NCDN: variants seen among roughly 807,000 people sequenced by gnomAD.
The protein encoded by NCDN is norbin.
A neutral mutation model predicts 60.7 loss-of-function variants in NCDN; 9 were observed. That is an observed-to-expected ratio of 0.15 (90% CI 0.09 to 0.26). NCDN has a LOEUF of 0.26. Ranked by LOEUF, NCDN falls within the 10% of genes least tolerant of loss-of-function variation. NCDN has a pLI of 1.00. For missense variants in NCDN, 578 were observed against 975.2 expected (o/e 0.59, Z 5.42); for synonymous variants, 409 against 442.5 (o/e 0.92, Z 0.95).
At position 35,558,406 on chromosome 1, in the gene NCDN, C is replaced by T; in HGVS notation, c.33+183C>T. The T allele has an allele frequency of 6.8e-7, 1 of 1,473,118 alleles. No individual in the cohort carries two copies. The highest frequency in any genetic ancestry group is 9.0e-7 in the Non-Finnish European group (1 of 1,117,232). The allele number at this position is 1,473,118 out of a possible 1,614,324, so 91.3% of individuals were successfully genotyped here. On this transcript the variant is annotated intron_variant, in intron 1 of 6. Transcript: ENST00000373243. This position sits in a 1 kb window ranked among gnomAD's most constrained non-coding sequence, Gnocchi z 6.3. ...ACGGGGAGGGCGAGAAGAGGGAGCG[C>T]AAGGGGTTAATTCTGCTGCTGCCGC...
Position 35,562,248 on chromosome 1 carries a change from A to G in NCDN, c.1144-144A>G. 1 of 1,212,776 alleles carries G rather than the reference A, an allele frequency of 8.2e-7. No homozygotes were observed. The highest frequency in any genetic ancestry group is 1.5e-5 in the African/African-American group (1 of 65,882). 75.1% of individuals were successfully genotyped at this position (1,212,776 alleles called of 1,614,324 possible). ...ACATGCTAGGTGCTGGGTTCATGGG[A>G]CAGAATAAAGGTTGGGGCCTGCCTT... On this transcript the variant is annotated intron_variant, in intron 3 of 6. Transcript: ENST00000373243. This position sits in a 1 kb window ranked among gnomAD's most constrained non-coding sequence, Gnocchi z 6.8.
Position 35,561,152 on chromosome 1 carries a change from T to C in NCDN, c.1001T>C (p.Val334Ala). 2.5e-6 allele frequency: 4 copies of C among 1,609,512 alleles called. No individual in the cohort carries two copies. Among genetic ancestry groups the C allele is most frequent in the Non-Finnish European group, 3.4e-6 (4 of 1,177,998 alleles). ...ETGTEVKEDV[V>A]TACYALMELG... The stretch of plus-strand genomic sequence containing the variant: ...GGCACGGAGGTGAAAGAGGATGTGG[T>C]GACCGCCTGCTATGCCCTCATGGAG... Residue 334 changes from valine (V) to alanine (A), a missense_variant, in exon 3 of 7, where the codon GTG becomes GCG. Physicochemically the swap from Val to Ala is moderately conservative, Grantham distance 64 (BLOSUM62 0). Transcript: ENST00000373243. This position sits in a 1 kb window ranked among gnomAD's most constrained non-coding sequence, Gnocchi z 4.9.
At position 35,563,271 on chromosome 1, in the gene NCDN, G is replaced by A. The variant is rs771863772; in HGVS notation, c.1455G>A (p.Gly485=). Reference sequence around the variant, plus strand: ...CCCGGGAGATCCTGATCAAGGAAGGGGCCCCCTCGCTTCTGTGCAAGTATT... The same window carrying A: ...CCCGGGAGATCCTGATCAAGGAAGGAGCCCCCTCGCTTCTGTGCAAGTATT... ...DGPREILIKE[G]APSLLCKYFL... Residue 485 remains glycine, a synonymous_variant, in exon 5 of 7, where the codon GGG becomes GGA. Transcript: ENST00000373243. This position sits in a 1 kb window ranked among gnomAD's most constrained non-coding sequence, Gnocchi z 6.6. 1.9e-6 allele frequency: 3 copies of A among 1,614,194 alleles called. No individual in the cohort carries two copies. Among genetic ancestry groups the A allele is most frequent in the South Asian group, 1.1e-5 (1 of 91,086 alleles).
At position 35,561,521 on chromosome 1, in the gene NCDN, ACACACACACG is replaced by A. The variant is rs1648705385; in HGVS notation, c.1143+237_1143+246del. Among the ~76,000 whole-genome samples, 1 of 151,982 alleles carries A rather than the reference ACACACACACG, an allele frequency of 6.6e-6. No homozygotes were observed. The highest frequency in any genetic ancestry group is 6.5e-5 in the Admixed American group (1 of 15,274). On this transcript the variant is annotated intron_variant, in intron 3 of 6. Transcript: ENST00000373243. This position sits in a 1 kb window ranked among gnomAD's most constrained non-coding sequence, Gnocchi z 4.9. ...ACCATATGTGCACTCACATCACAGT[ACACACACACG>A]CACACACACACAACACAGTAACCTC...
In NCDN at chr1:35,563,292, G is replaced by C. The variant is rs773247590; in HGVS notation, c.1476G>C (p.Lys492Asn). Residue 492 changes from lysine to asparagine, a missense_variant, in exon 5 of 7, where the codon AAG becomes AAC. Transcript: ENST00000373243. This position sits in a 1 kb window ranked among gnomAD's most constrained non-coding sequence, Gnocchi z 6.6. ...IKEGAPSLLC[K>N]YFLQQWELTS... ...AAGGGGCCCCCTCGCTTCTGTGCAAGTATTTCCTGCAGCAGTGGGAACTCA... is the reference window on the plus strand; with the variant it reads ...AAGGGGCCCCCTCGCTTCTGTGCAACTATTTCCTGCAGCAGTGGGAACTCA... 21 of 1,614,226 alleles carry C rather than the reference G, an allele frequency of 1.3e-5. No homozygotes were observed. The highest frequency in any genetic ancestry group is 1.7e-5 in the Non-Finnish European group (20 of 1,180,046).
Position 35,558,418 on chromosome 1 carries a change from T to C in NCDN, c.33+195T>C. 1 of 1,451,008 alleles carries C rather than the reference T, an allele frequency of 6.9e-7. No homozygotes were observed. Among genetic ancestry groups the C allele is most frequent in the Non-Finnish European group, 9.0e-7 (1 of 1,107,168 alleles). The allele number at this position is 1,451,008 out of a possible 1,614,324, so 89.9% of individuals were successfully genotyped here. ...AGAAGAGGGAGCGCAAGGGGTTAAT[T>C]CTGCTGCTGCCGCCGCCGCTGCTGC... On this transcript the variant is annotated intron_variant, in intron 1 of 6. Coordinates refer to ENST00000373243, the MANE Select transcript of NCDN (RefSeq NM_014284.3). This position sits in a 1 kb window ranked among gnomAD's most constrained non-coding sequence, Gnocchi z 6.3.
rs755327814 is a variant in NCDN at position 35,558,260 on chromosome 1, T to TC, written c.33+41dup. 3.7e-6 allele frequency: 6 copies of TC among 1,613,322 alleles called. No homozygotes were observed. The African/African-American group carries it at 8.0e-5, about 22-fold the overall frequency. ...CAGGAACCCTCCTCCCCTTCTCATC[T>TC]CCCCATCTCAGCAGCCCTGCTTCGA... On this transcript the variant is annotated intron_variant, in intron 1 of 6. Transcript: ENST00000373243. This position sits in a 1 kb window ranked among gnomAD's most constrained non-coding sequence, Gnocchi z 6.3.
intron 2 of NCDN, among the ~76,000 whole-genome samples, chr1:35,559,844 G>A (rs1648638659): frequency 6.6e-6 from 1 of 152,126 alleles, no homozygotes. Flanking sequence ...CACTGCAGCA[G>A]AGGAGGTGTT....
chr1:35,560,368 C>G lies in NCDN; in HGVS notation c.217C>G (p.Arg73Gly). Reference protein sequence around the residue: ...VKAGDIDAKTRRRIFDAVGFT... With the variant: ...VKAGDIDAKTGRRIFDAVGFT... Reference sequence around the variant, plus strand: ...AGCAGGTGACATAGATGCCAAAACTCGGCGGCGGATCTTCGATGCTGTCGG... The same window carrying G: ...AGCAGGTGACATAGATGCCAAAACTGGGCGGCGGATCTTCGATGCTGTCGG... The change falls in exon 3 of 7, where the codon CGG (arginine) becomes GGG (glycine). Residue 73 changes from arginine (R) to glycine (G), a missense_variant. Coordinates refer to ENST00000373243, the MANE Select transcript of NCDN (RefSeq NM_014284.3). This position sits in a 1 kb window ranked among gnomAD's most constrained non-coding sequence, Gnocchi z 7.6. 1 of 1,613,984 alleles carries G rather than the reference C, an allele frequency of 6.2e-7. No individual in the cohort carries two copies. The highest frequency in any genetic ancestry group is 8.5e-7 in the Non-Finnish European group (1 of 1,180,040).
chr1:35,559,865 G>A (rs1452159343), intron 2 of NCDN, among the ~76,000 whole-genome samples: 1 of 152,140 alleles, frequency 6.6e-6, no homozygotes. Context: ...TAGGTGAAAT[G>A]TAAGGGGAAA....
chr1:35,559,738 A>AG (rs1055371043), intron 2 of NCDN, among the ~76,000 whole-genome samples: 1 of 102,954 alleles, frequency 9.7e-6, no homozygotes, highest in Non-Finnish European at 1.9e-5. Context: ...AGTGCTAGGA[A>AG]GGGGGGGTTG....
rs1326951153 is a variant in NCDN, at chr1:35,563,929, T to A, written c.1753+20T>A. On this transcript the variant is annotated intron_variant, in intron 6 of 6. Coordinates refer to ENST00000373243, the MANE Select transcript of NCDN (RefSeq NM_014284.3). The surrounding 1 kb of genome is among the most constrained non-coding windows in gnomAD (Gnocchi z 6.6). ...CTCCAGGTAAGAACTGGGGATCCAG[T>A]CCTGATGGGTGAGGACAGAAGACCT... 1 of 1,609,298 alleles carries A rather than the reference T, an allele frequency of 6.2e-7. No homozygotes were observed. Among genetic ancestry groups the A allele is most frequent in the Admixed American group, 1.7e-5 (1 of 59,168 alleles).
chr1:35,561,148 G>T lies in NCDN; in HGVS notation c.997G>T (p.Val333Leu), dbSNP rs150364361. Reference protein sequence around the residue: ...EETGTEVKEDVVTACYALMEL... With the variant: ...EETGTEVKEDLVTACYALMEL... ...GACGGGCACGGAGGTGAAAGAGGATGTGGTGACCGCCTGCTATGCCCTCAT... is the reference window on the plus strand; with the variant it reads ...GACGGGCACGGAGGTGAAAGAGGATTTGGTGACCGCCTGCTATGCCCTCAT... The change falls in exon 3 of 7, where the codon GTG becomes TTG. Residue 333 changes from valine to leucine, a missense_variant. Around this residue, in one of 3 missense-constraint regions of NCDN, gnomAD observed 363 missense variants for 583.6 expected, o/e 0.62. Transcript: ENST00000373243. The surrounding 1 kb of genome is among the most constrained non-coding windows in gnomAD (Gnocchi z 4.9). The T allele has an allele frequency of 3.1e-6, 5 of 1,610,380 alleles. No individual in the cohort carries two copies. In the African/African-American group the frequency reaches 5.3e-5, roughly 17 times the overall value.
Position 35,562,529 on chromosome 1 carries a change from C to T in NCDN, c.1281C>T (p.Thr427=), listed in dbSNP as rs774785827. Residue 427 remains threonine (T), a synonymous_variant, in exon 4 of 7, where the codon ACC becomes ACT. Transcript: ENST00000373243. The surrounding 1 kb of genome is among the most constrained non-coding windows in gnomAD (Gnocchi z 6.8). ...CCTTCCTCGTCCGCTATGCCAAGAC[C>T]CTCTACGAGGAGGCCGAGGAGGCCA... ...LLPFLVRYAK[T]LYEEAEEAND... 14 of 1,614,140 alleles carry T rather than the reference C, an allele frequency of 8.7e-6. No homozygotes were observed. The highest frequency in any genetic ancestry group is 1.3e-5 in the African/African-American group (1 of 75,024).
At position 35,560,534 on chromosome 1, in the gene NCDN, A is replaced by C; in HGVS notation, c.383A>C (p.Asn128Thr). ...PELAAHPQVL[N>T]KIPILSTFLT... ...CTGGCCGCCCATCCCCAAGTCCTGAACAAGATTCCCATTCTTAGCACCTTC... is the reference window on the plus strand; with the variant it reads ...CTGGCCGCCCATCCCCAAGTCCTGACCAAGATTCCCATTCTTAGCACCTTC... Residue 128 changes from asparagine (N) to threonine (T), a missense_variant, in exon 3 of 7, where the codon AAC becomes ACC. Physicochemically the swap from Asn to Thr is moderately conservative, Grantham distance 65. This residue lies in a region of NCDN where 363 missense variants were observed against 583.6 expected (regional missense o/e 0.62). Transcript: ENST00000373243. The surrounding 1 kb of genome is among the most constrained non-coding windows in gnomAD (Gnocchi z 7.6). The C allele has an allele frequency of 2.5e-6, 4 of 1,613,924 alleles. No homozygotes were observed. Among genetic ancestry groups the C allele is most frequent in the Non-Finnish European group, 2.5e-6 (3 of 1,180,036 alleles).
chr1:35,558,370 C>T lies in NCDN; in HGVS notation c.33+147C>T. 1 of 1,522,554 alleles carries T rather than the reference C, an allele frequency of 6.6e-7. No homozygotes were observed. The highest frequency in any genetic ancestry group is 8.8e-7 in the Non-Finnish European group (1 of 1,137,872). The allele number at this position is 1,522,554 out of a possible 1,614,324, so 94.3% of individuals were successfully genotyped here. ...TCCAGCCCCTGCCGGCATCCACAGG[C>T]TGGTAGCGGGACGGGGAGGGCGAGA... On this transcript the variant is annotated intron_variant, in intron 1 of 6. Transcript: ENST00000373243. This position sits in a 1 kb window ranked among gnomAD's most constrained non-coding sequence, Gnocchi z 6.3.
Position 35,565,094 on chromosome 1 carries a change from G to A in NCDN, c.1754-133G>A. 1.1e-6 allele frequency: 1 copy of A among 875,242 alleles called. No individual in the cohort carries two copies. The highest frequency in any genetic ancestry group is 2.5e-5 in the East Asian group (1 of 39,968). The allele number at this position is 875,242 out of a possible 1,614,324, so 54.2% of individuals were successfully genotyped here. A position where few individuals can be genotyped will look rare whatever the true frequency, so the allele number is the denominator to read the frequency against. On this transcript the variant is annotated intron_variant, in intron 6 of 6. Transcript: ENST00000373243. The surrounding 1 kb of genome is among the most constrained non-coding windows in gnomAD (Gnocchi z 8.9). ...GTCACACAGTGAGCATCTAAGGCAG[G>A]GTTTCAACGCAGGCAGTCTGATTCC...
Position 35,560,615 on chromosome 1 carries a change from C to T in NCDN, c.464C>T (p.Thr155Ile). ...DAARRSMIDDTYQCLTAVAGT... is the reference protein window; with the variant it reads ...DAARRSMIDDIYQCLTAVAGT... ...GCCCGCCGCTCCATGATTGATGACA[C>T]CTACCAGTGCCTGACGGCTGTAGCA... Residue 155 changes from threonine to isoleucine, a missense_variant, in exon 3 of 7, where the codon ACC becomes ATC. Physicochemically the swap from Thr to Ile is moderately conservative, Grantham distance 89 (BLOSUM62 -1). Transcript: ENST00000373243. This position sits in a 1 kb window ranked among gnomAD's most constrained non-coding sequence, Gnocchi z 7.6. The T allele has an allele frequency of 6.2e-7, 1 of 1,613,670 alleles. No homozygotes were observed. The highest frequency in any genetic ancestry group is 1.3e-5 in the African/African-American group (1 of 75,076).
Position 35,563,445 on chromosome 1 carries a change from G to C in NCDN, c.1610+19G>C. ...TGATCAAGTGAGGGGCTCGGGAGAG[G>C]TGGGGGAGGAGGCCGGAGGAGGCAA... On this transcript the variant is annotated intron_variant, in intron 5 of 6. Transcript: ENST00000373243. This position sits in a 1 kb window ranked among gnomAD's most constrained non-coding sequence, Gnocchi z 6.6. 1 of 1,606,688 alleles carries C rather than the reference G, an allele frequency of 6.2e-7. No homozygotes were observed. The highest frequency in any genetic ancestry group is 8.5e-7 in the Non-Finnish European group (1 of 1,174,000).
Sources: allele counts gnomAD v4.1 joint callset (sites outside exome capture counted in the v4.1 genomes callset), GRCh38; gene constraint gnomAD v4.1.1; regional missense constraint gnomAD v4.1.1; non-coding constraint Gnocchi (gnomAD v3.1); transcripts MANE v1.5; gene names NCBI Gene and HGNC (gene_info 2026-07-23, HGNC 2026-07-21).